Variants in BST1 observed in about 807,000 individuals in gnomAD.
BST1 encodes ADP-ribosyl cyclase/cyclic ADP-ribose hydrolase 2.
In BST1, 49 loss-of-function variants were observed where a neutral mutation model predicts 40.6. The observed-to-expected ratio is 1.21, with a 90% CI of 0.96 to 1.53. The LOEUF (loss-of-function observed/expected upper bound fraction) is 1.53. Ranked by LOEUF, BST1 falls within the 40% of genes most tolerant of loss-of-function variation. The probability of loss-of-function intolerance (pLI) is 0.00; values close to 1 mark genes in which losing one functional copy is unlikely to be tolerated. For synonymous variants in BST1, 157 were observed against 159.3 expected (o/e 0.99, Z 0.11); for missense variants, 423 against 395.9 (o/e 1.07, Z -0.58).
chr4:15,735,716 C>G (rs548724948), downstream of BST1, among the ~76,000 whole-genome samples: 1 of 152,296 alleles, frequency 6.6e-6, no homozygotes, highest in Admixed American at 6.5e-5. Context: ...GGAGCCCCAG[C>G]CAAGGGGCGT....
chr4:15,731,405 A>G, intron 8 of BST1: 1 of 599,124 alleles, frequency 1.7e-6, no homozygotes, highest in East Asian at 4.1e-5. Context: ...TGGCCTTGTC[A>G]CGGTGCTGCT....
At chr4:15,743,366 G>T in the BST1 span, 1 of 336,212 alleles carries the variant, frequency 3.0e-6, no homozygotes, top group South Asian at 3.0e-5. Context: ...CGGTGGATGA[G>T]ACTAATCTGT....
At chr4:15,711,949 TAGTCATTCAG>T (rs1560279726) in intron 4 of BST1, 60 bp downstream of exon 4, 2 of 1,465,948 alleles carry the variant, frequency 1.4e-6, no homozygotes, top group Admixed American at 1.7e-5. Flanking sequence ...AGATGGAACA[TAGTCATTCAG>T]AGTCTGGGCC....
At chr4:15,730,018 AT>A (rs1263964173) in intron 8 of BST1, among the ~76,000 whole-genome samples, 1 of 152,254 alleles carries the variant, frequency 6.6e-6, no homozygotes, top group African/African-American at 2.4e-5. Flanking sequence ...TAATTAGTTA[AT>A]TATTTGAAAG....
At chr4:15,750,286 A>G in the BST1 span, among the ~76,000 whole-genome samples, 3 of 152,158 alleles carry the variant, frequency 2.0e-5, no homozygotes, top group Non-Finnish European at 4.4e-5. Flanking sequence ...CAGCCTCTCA[A>G]AGTGCTGGGA....
At position 15,731,735 on chromosome 4, in the gene BST1, T is replaced by C; in HGVS notation, c.852-5T>C. On this transcript the variant is annotated splice_polypyrimidine_tract_variant and splice_region_variant and intron_variant, in intron 8 of 8. Transcript: ENST00000265016. ...CACTTTCTCTATTTCCTTGTTAATT[T>C]GCAGGGCAGCAGCCGCTACTCAAAG... 1.2e-6 allele frequency: 2 copies of C among 1,610,154 alleles called. No individual in the cohort carries two copies. The highest frequency in any genetic ancestry group is 1.7e-6 in the Non-Finnish European group (2 of 1,178,102).
At chr4:15,726,369 G>T (rs1721114942) in intron 8 of BST1, among the ~76,000 whole-genome samples, 1 of 152,056 alleles carries the variant, frequency 6.6e-6, no homozygotes, top group African/African-American at 2.4e-5. Flanking sequence ...TGAATGGTTG[G>T]ATTCTACCCT....
the BST1 span, among the ~76,000 whole-genome samples, chr4:15,768,218 A>G: frequency 1.1e-4 from 17 of 152,192 alleles, no homozygotes; most frequent in Admixed American, 6.5e-4. Flanking sequence ...TAGACTGTGG[A>G]TCTTCAGATA....
At position 15,726,443 on chromosome 4, in the gene BST1, A is replaced by T. The variant is rs114914232; in HGVS notation, c.851+3509A>T. On this transcript the variant is annotated intron_variant, in intron 8 of 8. Transcript: ENST00000265016. ...GCTGGGCAGCCAGAAGGAATGACAA[A>T]TGCTCTACAACACCTTCAGAGAAGT... Among the ~76,000 whole-genome samples, 407 of 152,336 alleles carry T rather than the reference A, an allele frequency of 2.7e-3. 6 individuals carry two copies. The highest frequency in any genetic ancestry group is 9.2e-3 in the African/African-American group (381 of 41,578).
chr4:15,760,857 T>C, the BST1 span, among the ~76,000 whole-genome samples: 2 of 151,106 alleles, frequency 1.3e-5, 1 homozygote, highest in African/African-American at 4.9e-5. Context: ...CCTAGCTTTT[T>C]TTTTTTTTTG....
intron 7 of BST1, among the ~76,000 whole-genome samples, chr4:15,722,460 C>T (rs555222449): frequency 2.6e-5 from 4 of 152,190 alleles, no homozygotes; most frequent in Non-Finnish European, 4.4e-5. Context: ...CAAGGCCTCA[C>T]TCTGTTATCC....
intron 8 of BST1, among the ~76,000 whole-genome samples, chr4:15,725,718 C>T (rs547721006): frequency 8.5e-5 from 13 of 152,198 alleles, no homozygotes; most frequent in East Asian, 3.9e-4. Context: ...GTGGAAACAC[C>T]GTTTTGGCAG....
chr4:15,719,574 G>A (rs1211254094), intron 7 of BST1, among the ~76,000 whole-genome samples: 4 of 152,136 alleles, frequency 2.6e-5, no homozygotes, highest in African/African-American at 4.8e-5. Flanking sequence ...TCAAACGCCT[G>A]CCTCTGGCTC....
downstream of BST1, chr4:15,736,203 G>C (rs1721557033): frequency 5.3e-6 from 6 of 1,138,162 alleles, no homozygotes; most frequent in Non-Finnish European, 7.0e-6. Context: ...TTCTCCTTCA[G>C]CCTAACTTCC....
At chr4:15,745,080 A>T in the BST1 span, among the ~76,000 whole-genome samples, 1 of 152,232 alleles carries the variant, frequency 6.6e-6, no homozygotes, top group Non-Finnish European at 1.5e-5. Context: ...CAGGTAATAA[A>T]AGTGTTTTAT....
intron 8 of BST1, among the ~76,000 whole-genome samples, chr4:15,725,531 T>A (rs777954729): frequency 8.5e-5 from 13 of 152,194 alleles, no homozygotes; most frequent in Admixed American, 4.6e-4. Context: ...ATGTCGCTGC[T>A]GCTCAAAAAC....
chr4:15,706,511 A>T (rs1273243921), intron 2 of BST1, among the ~76,000 whole-genome samples: 1 of 152,260 alleles, frequency 6.6e-6, no homozygotes, highest in Non-Finnish European at 1.5e-5. Context: ...TCTCAGGTCT[A>T]ATAAAATGAA....
At chr4:15,736,340 C>G (rs913459817), downstream of BST1, among the ~76,000 whole-genome samples, 3 of 152,112 alleles carry the variant, frequency 2.0e-5, no homozygotes, top group Non-Finnish European at 2.9e-5. Flanking sequence ...CTTCAAGAAG[C>G]CGGGCGCAGT....
chr4:15,712,160 T>C (rs1720253212), intron 4 of BST1, among the ~76,000 whole-genome samples: 1 of 152,228 alleles, frequency 6.6e-6, no homozygotes, highest in African/African-American at 2.4e-5. Context: ...ATTTCCATTA[T>C]GTCCTGGTTA....
Sources: gnomAD v4.1 joint callset for allele counts (sites outside exome capture counted in the v4.1 genomes callset) on GRCh38, gnomAD v4.1.1 for gene constraint, MANE v1.5 for transcripts, NCBI Gene and HGNC (gene_info 2026-07-23, HGNC 2026-07-21) for gene names.